MS4A10: variants seen among roughly 807,000 people sequenced by gnomAD.
The protein encoded by MS4A10 is membrane-spanning 4-domains subfamily A member 10.
MS4A10 carries 27 observed loss-of-function variants against 27.7 expected under a neutral mutation model. The ratio of observed to expected loss-of-function variants is 0.98; its 90% CI spans 0.72 to 1.35. MS4A10 has a LOEUF of 1.35. MS4A10 is among the 40% of genes most tolerant of loss of function. MS4A10 has a pLI of 0.00. For missense variants in MS4A10, 338 were observed against 324.7 expected, an observed-to-expected ratio of 1.04 and a Z score of -0.32; for synonymous variants, 139 against 131.2, an observed-to-expected ratio of 1.06 and a Z score of -0.41.
intron 4 of MS4A10, among the ~76,000 whole-genome samples, chr11:60,792,908 G>A (rs1043485607): frequency 1.8e-4 from 27 of 152,186 alleles, no homozygotes; most frequent in Admixed American, 1.5e-3. Flanking sequence ...ACAACTCTGT[G>A]GACTTACCTG....
intron 1 of MS4A10, among the ~76,000 whole-genome samples, chr11:60,785,760 C>T (rs997564320): frequency 6.6e-6 from 1 of 152,072 alleles, no homozygotes; most frequent in East Asian, 1.9e-4. Context: ...GCTGGAGGAG[C>T]CCCAGACACT....
intron 6 of MS4A10, among the ~76,000 whole-genome samples, chr11:60,797,338 A>G (rs1210000659): frequency 6.6e-6 from 1 of 152,188 alleles, no homozygotes; most frequent in Non-Finnish European, 1.5e-5. Context: ...ATTATCACAA[A>G]TTTGGTGGCT....
intron 2 of MS4A10, 93 bp downstream of exon 2, chr11:60,790,611 A>G (rs1039721404): frequency 2.2e-6 from 3 of 1,364,100 alleles, no homozygotes; most frequent in Admixed American, 4.6e-5. Context: ...AAGAAAGGGA[A>G]AAGAGAAAGG....
chr11:60,793,062 C>A (rs1206059959), intron 4 of MS4A10, among the ~76,000 whole-genome samples: 1 of 152,204 alleles, frequency 6.6e-6, no homozygotes, highest in African/African-American at 2.4e-5. Flanking sequence ...AACATCCCTG[C>A]AAATCACAGC....
At chr11:60,795,415 C>G in intron 5 of MS4A10, 140 bp from the exon 6 acceptor site, 4 of 473,016 alleles carry the variant, frequency 8.5e-6, no homozygotes, top group Admixed American at 4.2e-5. Context: ...CCCTGCCTTC[C>G]CCACGCACAC....
At chr11:60,795,466 A>T in intron 5 of MS4A10, 89 bp from the exon 6 acceptor site, 1 of 769,564 alleles carries the variant, frequency 1.3e-6, no homozygotes, top group Non-Finnish European at 1.9e-6. Context: ...TGTGGATCTT[A>T]GCAAGGACCC....
At position 60,794,031 on chromosome 11, in the gene MS4A10, C is replaced by A; in HGVS notation, c.420C>A (p.Phe140Leu). ...ISLFCVLSGL[F>L]VISKDLFLES... ...TCTTTTGCGTGCTGTCTGGCCTCTT[C>A]GTCATCTCCAAGGATCTCTTTCTGG... is the stretch of plus-strand genomic sequence containing the variant. The change falls in exon 5 of 8, where the codon TTC becomes TTA. Residue 140 changes from phenylalanine to leucine, a missense_variant. Coordinates refer to ENST00000308287, the MANE Select transcript of MS4A10 (RefSeq NM_206893.4). 1 of 1,614,136 alleles carries A rather than the reference C, an allele frequency of 6.2e-7. No individual in the cohort carries two copies. Among genetic ancestry groups the A allele is most frequent in the Non-Finnish European group, 8.5e-7 (1 of 1,180,014 alleles).
chr11:60,793,899 C>A (rs911888568), intron 4 of MS4A10, 73 bp from the exon 5 acceptor site: 1 of 1,551,342 alleles, frequency 6.4e-7, no homozygotes. Context: ...AAGCTACTGG[C>A]AAGCATGAGG....
At chr11:60,793,885 G>C in intron 4 of MS4A10, 87 bp from the exon 5 acceptor site, 1 of 1,472,994 alleles carries the variant, frequency 6.8e-7, no homozygotes, top group Non-Finnish European at 9.3e-7. Context: ...TGAGGCTACA[G>C]AGGAAGCTAC....
chr11:60,790,595 C>A, intron 2 of MS4A10, 77 bp downstream of exon 2: 5 of 1,511,936 alleles, frequency 3.3e-6, no homozygotes, highest in Admixed American at 2.0e-5. Flanking sequence ...TGGGGGGCCC[C>A]AAGGGAAGAA....
intron 7 of MS4A10, among the ~76,000 whole-genome samples, chr11:60,799,556 C>T (rs559845486): frequency 2.6e-5 from 4 of 152,274 alleles, no homozygotes; most frequent in African/African-American, 7.2e-5. Flanking sequence ...TCACCCACTG[C>T]TTCCCTTCCT....
Position 60,801,087 on chromosome 11 carries a change from TG to T in MS4A10, c.*1180del, listed in dbSNP as rs1387045888. 2 of 152,124 alleles carry T rather than the reference TG, an allele frequency of 1.3e-5. No individual in the cohort carries two copies. Among genetic ancestry groups the T allele is most frequent in the African/African-American group, 4.8e-5 (2 of 41,412 alleles). The allele number at this position is 152,124 out of a possible 1,614,324, so 9.4% of individuals were successfully genotyped here. Reference sequence around the variant, plus strand: ...GATTACAGGCATGAGCCACCACCCCTGGCTGAAACCCAATCTTTCAAAACAT... The same window carrying T: ...GATTACAGGCATGAGCCACCACCCCTGCTGAAACCCAATCTTTCAAAACAT... On this transcript the variant is annotated 3_prime_UTR_variant, in exon 8 of 8. Transcript: ENST00000308287.
chr11:60,798,576 G>A, intron 7 of MS4A10, 62 bp downstream of exon 7: 1 of 1,290,078 alleles, frequency 7.8e-7, no homozygotes, highest in Middle Eastern at 2.3e-4. Flanking sequence ...CCTTCTCCCT[G>A]GCATAGATAG....
At chr11:60,790,205 AGTTCTGGAAAGATCT>A in intron 1 of MS4A10, 94 bp from the exon 2 acceptor site, 1 of 908,570 alleles carries the variant, frequency 1.1e-6, no homozygotes, top group Non-Finnish European at 1.7e-6. Context: ...GGGCAACCAC[AGTTCTGGAAAGATCT>A]GGTCCCTTAA....
chr11:60,794,664 C>CT (rs1854493546), intron 5 of MS4A10, among the ~76,000 whole-genome samples: 1 of 152,054 alleles, frequency 6.6e-6, no homozygotes, highest in Non-Finnish European at 1.5e-5. Context: ...TCCAAGAATT[C>CT]TTTTTTCTTT....
chr11:60,798,934 C>A (rs1225401937), intron 7 of MS4A10, among the ~76,000 whole-genome samples: 2 of 152,220 alleles, frequency 1.3e-5, no homozygotes, highest in East Asian at 1.9e-4. Context: ...GAAGGAAGGT[C>A]TCCAGAGCGG....
rs929291278 is a variant in MS4A10 at position 60,800,111 on chromosome 11, G to C, written c.*202G>C. ...TTACATAGTTGATGGCTCGATATCT[G>C]TGGTGGCCCAGATTGTTTTGTTTTG... On this transcript the variant is annotated 3_prime_UTR_variant, in exon 8 of 8. Transcript: ENST00000308287. The C allele has an allele frequency of 2.9e-6, 2 of 694,476 alleles. No individual in the cohort carries two copies. Among genetic ancestry groups the C allele is most frequent in the African/African-American group, 3.6e-5 (2 of 56,180 alleles). 43.0% of individuals were successfully genotyped at this position (694,476 alleles called of 1,614,324 possible).
At chr11:60,790,204 C>T in intron 1 of MS4A10, 110 bp from the exon 2 acceptor site, 1 of 906,290 alleles carries the variant, frequency 1.1e-6, no homozygotes, top group Non-Finnish European at 1.7e-6. Flanking sequence ...AGGGCAACCA[C>T]AGTTCTGGAA....
chr11:60,786,385 A>C (rs1854339095), intron 1 of MS4A10, among the ~76,000 whole-genome samples: 1 of 151,902 alleles, frequency 6.6e-6, no homozygotes, highest in African/African-American at 2.4e-5. Flanking sequence ...AAACAAATCC[A>C]CGAATGACAG....
Sources: gnomAD v4.1 joint callset for allele counts (sites outside exome capture counted in the v4.1 genomes callset) on GRCh38, gnomAD v4.1.1 for gene constraint, MANE v1.5 for transcripts, NCBI Gene and HGNC (gene_info 2026-07-23, HGNC 2026-07-21) for gene names.